Variants in YLPM1 observed in about 807,000 individuals in gnomAD.
YLPM1 encodes the protein YLP motif containing 1.
In YLPM1, 99 loss-of-function variants were observed where a neutral mutation model predicts 230.0. The observed-to-expected ratio is 0.43, with a 90% confidence interval of 0.37 to 0.51. The LOEUF (loss-of-function observed/expected upper bound fraction) is 0.51, where lower values mean the gene tolerates loss of function less well. YLPM1 is among the 20% of genes least tolerant of loss of function. The probability of loss-of-function intolerance (pLI) is 0.00; values close to 1 mark genes in which losing one functional copy is unlikely to be tolerated. For synonymous variants in YLPM1, 984 were observed against 942.5 expected, an observed-to-expected ratio of 1.04 and a Z score of -0.81; for missense variants, 2,592 against 2,707.7, an observed-to-expected ratio of 0.96 and a Z score of 0.95.
rs2091094549 is a variant in YLPM1 at position 74,781,706 on chromosome 14, G to A, written c.1663G>A (p.Val555Met). 1.2e-6 allele frequency: 2 copies of A among 1,600,300 alleles called. No individual in the cohort carries two copies. The highest frequency in any genetic ancestry group is 2.8e-5 in the African/African-American group (2 of 70,180). ...GATGCCCCCTGCCCTCCCTGCTACAGTGCCACCACCTGGCATGCCCCCACC... is the reference window on the plus strand; with the variant it reads ...GATGCCCCCTGCCCTCCCTGCTACAATGCCACCACCTGGCATGCCCCCACC... ...PVMPPALPAT[V>M]PPPGMPPPVM... Residue 555 changes from valine (V) to methionine (M), a missense_variant, in exon 4 of 21, where the codon GTG (valine) becomes ATG (methionine). Coordinates refer to ENST00000325680, the MANE Select transcript of YLPM1 (RefSeq NM_019589.3).
At chr14:74,818,207 T>C in intron 15 of YLPM1, 24 bp from the exon 16 acceptor site, 2 of 1,573,512 alleles carry the variant, frequency 1.3e-6, no homozygotes, top group East Asian at 2.3e-5. Context: ...TAGAGATAAC[T>C]CAACCATCTG....
chr14:74,799,752 C>G, intron 5 of YLPM1, 55 bp downstream of exon 5: 2 of 1,495,004 alleles, frequency 1.3e-6, no homozygotes, highest in Non-Finnish European at 1.8e-6. Flanking sequence ...TCAGACTGCT[C>G]TTTTTAAAGT....
At position 74,781,655 on chromosome 14, in the gene YLPM1, T is replaced by A. The variant is rs1164508371; in HGVS notation, c.1612T>A (p.Leu538Met). Residue 538 changes from leucine to methionine, a missense_variant, in exon 4 of 21, where the codon TTG becomes ATG. Physicochemically the swap from Leu to Met is conservative, Grantham distance 15 (BLOSUM62 2). Transcript: ENST00000325680. Reference sequence around the variant, plus strand: ...TCTACCTACAATGCCCCCTCCAGTGTTGCCTCCTTCATTGCCACCACCAGT... The same window carrying A: ...TCTACCTACAATGCCCCCTCCAGTGATGCCTCCTTCATTGCCACCACCAGT... The part of the protein sequence containing the change: ...PPLPTMPPPV[L>M]PPSLPPPVMP... 6.2e-7 allele frequency: 1 copy of A among 1,612,476 alleles called. No homozygotes were observed. The highest frequency in any genetic ancestry group is 1.1e-5 in the South Asian group (1 of 90,916).
At chr14:74,785,666 TAATC>T (rs2091141304) in intron 4 of YLPM1, among the ~76,000 whole-genome samples, 2 of 152,206 alleles carry the variant, frequency 1.3e-5, no homozygotes, top group Non-Finnish European at 1.5e-5. Flanking sequence ...TTTTTTTAAA[TAATC>T]AAAGCTGATT....
chr14:74,801,409 A>G (rs867720049), intron 5 of YLPM1, among the ~76,000 whole-genome samples: 3 of 152,210 alleles, frequency 2.0e-5, no homozygotes, highest in Non-Finnish European at 4.4e-5. Context: ...GAAAATTGTA[A>G]AAGGTCTTAA....
intron 4 of YLPM1, among the ~76,000 whole-genome samples, chr14:74,792,500 T>C (rs981754197): frequency 6.6e-6 from 1 of 152,222 alleles, no homozygotes; most frequent in African/African-American, 2.4e-5. Context: ...TTTACATTTT[T>C]ATCAAAGTGA....
rs1050112035 is a variant in YLPM1, at chr14:74,798,752, G to A, written c.3455G>A (p.Ser1152Asn). The change falls in exon 5 of 21, where the codon AGT (serine) becomes AAT (asparagine). Residue 1152 changes from serine (S) to asparagine (N), a missense_variant. This residue lies in a region of YLPM1 where 1,862 missense variants were observed against 1,819.8 expected (regional missense o/e 1.02). Transcript: ENST00000325680. The part of the protein sequence containing the change: ...RERGPPRGPG[S>N]RERGLGRSDF... Reference sequence around the variant, plus strand: ...AGAGGACCACCTCGAGGGCCTGGCAGTCGAGAAAGGGGACTGGGAAGATCA... The same window carrying A: ...AGAGGACCACCTCGAGGGCCTGGCAATCGAGAAAGGGGACTGGGAAGATCA... 4 of 1,613,352 alleles carry A rather than the reference G, an allele frequency of 2.5e-6. No individual in the cohort carries two copies. Among genetic ancestry groups the A allele is most frequent in the East Asian group, 4.5e-5 (2 of 44,886 alleles).
chr14:74,830,620 GT>G (rs765411483), intron 19 of YLPM1, among the ~76,000 whole-genome samples: 27 of 152,192 alleles, frequency 1.8e-4, no homozygotes, highest in Non-Finnish European at 3.1e-4. Flanking sequence ...AAGATAAAAG[GT>G]TTATTTTGGC....
chr14:74,803,107 A>G (rs1469920331), intron 6 of YLPM1, among the ~76,000 whole-genome samples: 3 of 152,082 alleles, frequency 2.0e-5, no homozygotes, highest in East Asian at 3.9e-4. Context: ...CAAAAAAAAA[A>G]AAAAGTCCTG....
rs754403344 is a variant in YLPM1 at position 74,764,248 on chromosome 14, C to G, written c.759C>G (p.Pro253=). The change falls in exon 1 of 21, where the codon CCC becomes CCG. Residue 253 remains proline (P), a synonymous_variant. Coordinates refer to ENST00000325680, the MANE Select transcript of YLPM1 (RefSeq NM_019589.3). ...QLLAPPPPSA[P]PGNKTTVQQE... ...TAGCTCCACCACCACCGTCCGCCCC[C>G]CCTGGAAATAAGACAACTGTCCAGC... is the stretch of plus-strand genomic sequence containing the variant. 3 of 1,613,906 alleles carry G rather than the reference C, an allele frequency of 1.9e-6. No homozygotes were observed. Among genetic ancestry groups the G allele is most frequent in the Admixed American group, 1.7e-5 (1 of 59,990 alleles).
intron 16 of YLPM1, among the ~76,000 whole-genome samples, chr14:74,819,047 A>G (rs1467420613): frequency 6.6e-6 from 1 of 152,148 alleles, no homozygotes; most frequent in African/African-American, 2.4e-5. Flanking sequence ...TTAAGCACTG[A>G]TTACTTGGTT....
At chr14:74,821,901 T>C (rs1163006911) in intron 17 of YLPM1, 1 of 152,214 alleles carries the variant, frequency 6.6e-6, no homozygotes, top group African/African-American at 2.4e-5. Flanking sequence ...ACTTGAGCCC[T>C]TGCTAAAGTT....
intron 19 of YLPM1, among the ~76,000 whole-genome samples, chr14:74,830,015 A>G (rs1271915637): frequency 6.6e-6 from 1 of 152,202 alleles, no homozygotes; most frequent in East Asian, 1.9e-4. Flanking sequence ...ATAAATGGAA[A>G]AGGTAATAGG....
At chr14:74,778,803 C>G in intron 2 of YLPM1, 120 bp downstream of exon 2, 1 of 767,244 alleles carries the variant, frequency 1.3e-6, no homozygotes, top group Non-Finnish European at 2.1e-6. Context: ...TATAAAGTTG[C>G]ATTTGTGAAA....
intron 16 of YLPM1, 125 bp downstream of exon 16, chr14:74,818,439 T>C (rs956936305): frequency 8.0e-6 from 5 of 622,840 alleles, no homozygotes; most frequent in African/African-American, 5.6e-5. Flanking sequence ...CCTACTGATA[T>C]GCCTTTCATT....
chr14:74,768,944 A>T (rs559280395), intron 1 of YLPM1, among the ~76,000 whole-genome samples: 1 of 152,134 alleles, frequency 6.6e-6, no homozygotes, highest in Non-Finnish European at 1.5e-5. Flanking sequence ...CTTGCATAGG[A>T]TCTAGCGCAT....
At chr14:74,823,888 A>G in intron 17 of YLPM1, 1 of 163,838 alleles carries the variant, frequency 6.1e-6, no homozygotes, top group Non-Finnish European at 1.3e-5. Flanking sequence ...CCTAGCTAGT[A>G]TTACAAATTC....
intron 4 of YLPM1, among the ~76,000 whole-genome samples, chr14:74,783,806 G>A (rs2091119423): frequency 6.6e-6 from 1 of 152,164 alleles, no homozygotes; most frequent in African/African-American, 2.4e-5. Flanking sequence ...CCTTGCTAGA[G>A]ACTTTACACA....
Position 74,782,157 on chromosome 14 carries a change from G to A in YLPM1, c.2114G>A (p.Ser705Asn), listed in dbSNP as rs752569547. ...CAAGTGAATTCAAAAGCTCCTTTGAGCAAGTCTGCTCTGCCATACAGTTCA... is the reference window on the plus strand; with the variant it reads ...CAAGTGAATTCAAAAGCTCCTTTGAACAAGTCTGCTCTGCCATACAGTTCA... ...SEQVNSKAPL[S>N]KSALPYSSFS... is the part of the protein sequence containing the mutation. Residue 705 changes from serine (S) to asparagine (N), a missense_variant, in exon 4 of 21, where the codon AGC becomes AAC. Physicochemically the swap from Ser to Asn is conservative, Grantham distance 46 (BLOSUM62 1). Around this residue, in one of 4 missense-constraint regions of YLPM1, gnomAD observed 1,862 missense variants for 1,819.8 expected, o/e 1.02. Coordinates refer to ENST00000325680, the MANE Select transcript of YLPM1 (RefSeq NM_019589.3). 59 of 1,612,832 alleles carry A rather than the reference G, an allele frequency of 3.7e-5. No individual in the cohort carries two copies. The highest frequency in any genetic ancestry group is 4.7e-5 in the Non-Finnish European group (56 of 1,179,790).
Sources: gnomAD v4.1 joint callset for allele counts (sites outside exome capture counted in the v4.1 genomes callset) on GRCh38, gnomAD v4.1.1 for gene constraint, gnomAD v4.1.1 regional missense constraint, MANE v1.5 for transcripts, NCBI Gene and HGNC (gene_info 2026-07-23, HGNC 2026-07-21) for gene names.